The following TRHDE variants were observed in gnomAD, a reference collection of about 807,000 sequenced individuals.
TRHDE encodes thyrotropin releasing hormone degrading enzyme, also known as thyrotropin-releasing hormone-degrading ectoenzyme.
Under a neutral mutation model 125.7 loss-of-function variants are expected in TRHDE, and 72 were observed. The ratio of observed to expected loss-of-function variants is 0.57; its 90% CI spans 0.47 to 0.70. The LOEUF (loss-of-function observed/expected upper bound fraction) is 0.70, where lower values mean the gene tolerates loss of function less well. Among genes scored for constraint, TRHDE ranks in the 30% least tolerant of loss-of-function variants. The pLI, the probability that TRHDE is intolerant of heterozygous loss-of-function variation, is 0.00. For missense variants in TRHDE, 1,110 were observed against 1,327.1 expected (o/e 0.84, Z 2.54); for synonymous variants, 509 against 509.1 (o/e 1.00, Z 0.00).
At chr12:72,426,784 C>A (rs538147329) in intron 3 of TRHDE, among the ~76,000 whole-genome samples, 3,395 of 151,022 alleles carry the variant, frequency 0.022, 119 homozygotes, top group African/African-American at 0.078. Context: ...GGAAAAGGGA[C>A]CAGTTATTAA....
intron 15 of TRHDE, among the ~76,000 whole-genome samples, chr12:72,634,701 T>C (rs1873653429): frequency 7.3e-6 from 1 of 137,444 alleles, no homozygotes; most frequent in South Asian, 2.6e-4. Context: ...CCCTCCTGTG[T>C]CCATGTGTTC....
At chr12:72,585,057 T>C (rs1871383390) in intron 12 of TRHDE, among the ~76,000 whole-genome samples, 1 of 152,212 alleles carries the variant, frequency 6.6e-6, no homozygotes, top group African/African-American at 2.4e-5. Flanking sequence ...TACTATTATC[T>C]GCACATGCCT....
intron 3 of TRHDE, among the ~76,000 whole-genome samples, chr12:72,427,465 A>T (rs1310106064): frequency 2.6e-5 from 4 of 152,016 alleles, no homozygotes; most frequent in African/African-American, 7.2e-5. Context: ...AAGATATCAC[A>T]CTAGAGGACT....
intron 15 of TRHDE, among the ~76,000 whole-genome samples, chr12:72,648,764 TAGAG>T (rs1195754861): frequency 2.0e-5 from 3 of 151,552 alleles, no homozygotes; most frequent in Non-Finnish European, 2.9e-5. Flanking sequence ...CTGGGAAACA[TAGAG>T]AGACCCCATC....
At chr12:72,142,386 C>T (rs1876131859) in intron 2 of TRHDE, among the ~76,000 whole-genome samples, 4 of 152,250 alleles carry the variant, frequency 2.6e-5, no homozygotes, top group Admixed American at 6.5e-5. Flanking sequence ...TGGCTTTATG[C>T]CTCTCAGTTG....
intron 6 of TRHDE, among the ~76,000 whole-genome samples, chr12:72,506,915 G>A (rs997508585): frequency 1.3e-5 from 2 of 152,124 alleles, no homozygotes; most frequent in African/African-American, 2.4e-5. Flanking sequence ...GAAGGGGCCT[G>A]GTGGGAGGTG....
chr12:72,335,545 C>T (rs1869792940), intron 2 of TRHDE, among the ~76,000 whole-genome samples: 1 of 152,182 alleles, frequency 6.6e-6, no homozygotes. Context: ...CCAACTACCT[C>T]TCTGCACACA....
At chr12:72,431,750 T>C (rs1874493305) in intron 3 of TRHDE, 1 of 152,428 alleles carries the variant, frequency 6.6e-6, no homozygotes, top group African/African-American at 2.4e-5. Context: ...TTACATGTTT[T>C]ACATGGATAG....
intron 12 of TRHDE, among the ~76,000 whole-genome samples, chr12:72,603,627 A>G (rs1240255863): frequency 6.6e-6 from 1 of 152,150 alleles, no homozygotes; most frequent in East Asian, 1.9e-4. Context: ...AGGGAGGCTG[A>G]GGCAGGAGAA....
At chr12:72,099,376 T>G (rs1405715004) in intron 1 of TRHDE, among the ~76,000 whole-genome samples, 1 of 152,206 alleles carries the variant, frequency 6.6e-6, no homozygotes, top group East Asian at 1.9e-4. Context: ...CTTGTTATAT[T>G]GCAGAGGGTA....
upstream of TRHDE, among the ~76,000 whole-genome samples, chr12:72,268,509 G>A (rs1413839113): frequency 6.6e-6 from 1 of 151,988 alleles, no homozygotes; most frequent in Admixed American, 6.6e-5. Context: ...ATTAAGTACT[G>A]GGTTAGGACA....
In TRHDE at chr12:72,329,925, CAT is replaced by C. The variant is rs548924302; in HGVS notation, c.1188+42973_1188+42974del. ...GGTGGAGGGAAAGCACCAAGAGAAA[CAT>C]AAGGGAATCAGAGAGATGAGGGATG... On this transcript the variant is annotated intron_variant, in intron 2 of 18. Coordinates refer to ENST00000261180, the MANE Select transcript of TRHDE (RefSeq NM_013381.3). Among the ~76,000 whole-genome samples the C allele has an allele frequency of 2.7e-4, 41 of 151,846 alleles. 2 individuals carry two copies. In the East Asian group the frequency reaches 8.0e-3, roughly 29 times the overall value.
At chr12:72,518,275 A>G (rs1276447777) in intron 6 of TRHDE, among the ~76,000 whole-genome samples, 1 of 144,108 alleles carries the variant, frequency 6.9e-6, no homozygotes, top group Non-Finnish European at 1.5e-5. Context: ...AATGTGTGGG[A>G]GTCTAAGTCT....
At chr12:72,284,335 C>T (rs962555581) in intron 1 of TRHDE, among the ~76,000 whole-genome samples, 8 of 152,024 alleles carry the variant, frequency 5.3e-5, no homozygotes, top group Non-Finnish European at 8.8e-5. Context: ...GGAGTAACTT[C>T]GACTCATAAA....
chr12:72,469,876 T>G lies in TRHDE; in HGVS notation c.1434T>G (p.Asp478Glu), dbSNP rs1876559581. Residue 478 changes from aspartate to glutamate, a missense_variant, in exon 4 of 19, where the codon GAT becomes GAG. Transcript: ENST00000261180. ...PSVSSISYLL[D>E]VTMVIVHEIC... ...TTTCATCTATTTCTTATTTGCTGGA[T>G]GTCACCATGGTCATTGTTCATGAGA... The G allele has an allele frequency of 8.1e-6, 13 of 1,613,996 alleles. No homozygotes were observed. Among genetic ancestry groups the G allele is most frequent in the African/African-American group, 1.3e-5 (1 of 74,924 alleles).
chr12:72,108,075 G>A (rs190191452), intron 2 of TRHDE, among the ~76,000 whole-genome samples: 3,830 of 152,090 alleles, frequency 0.025, 105 homozygotes, highest in East Asian at 0.11. Context: ...GGGACAGCCA[G>A]GAGAAGGCAT....
intron 2 of TRHDE, among the ~76,000 whole-genome samples, chr12:72,205,237 C>G (rs1877639843): frequency 6.6e-6 from 1 of 151,828 alleles, no homozygotes; most frequent in Admixed American, 6.6e-5. Flanking sequence ...CTATTGAAAA[C>G]TCAGGTCAAA....
chr12:72,386,289 C>A (rs1162870353), intron 3 of TRHDE, among the ~76,000 whole-genome samples: 3 of 152,140 alleles, frequency 2.0e-5, no homozygotes, highest in Non-Finnish European at 4.4e-5. Flanking sequence ...GCCATTACAG[C>A]TTTGCAATTA....
chr12:72,153,039 GT>G (rs1337697372), intron 2 of TRHDE, among the ~76,000 whole-genome samples: 7 of 152,064 alleles, frequency 4.6e-5, no homozygotes. Flanking sequence ...ACTTTTTTTG[GT>G]TGGTAAGCAA....
Sources: allele counts gnomAD v4.1 joint callset (sites outside exome capture counted in the v4.1 genomes callset), GRCh38; gene constraint gnomAD v4.1.1; transcripts MANE v1.5; gene names NCBI Gene and HGNC (gene_info 2026-07-23, HGNC 2026-07-21).